Variants in PPARGC1B observed in about 807,000 individuals in gnomAD.
PPARGC1B encodes the protein peroxisome proliferator-activated receptor gamma coactivator 1-beta.
A neutral mutation model predicts 101.6 loss-of-function variants in PPARGC1B; 34 were observed. That is an observed-to-expected ratio of 0.33 (90% CI 0.25 to 0.45). PPARGC1B has a LOEUF of 0.45. Among genes scored for constraint, PPARGC1B ranks in the 20% least tolerant of loss-of-function variants. The probability of loss-of-function intolerance (pLI) is 1.00; values close to 1 mark genes in which losing one functional copy is unlikely to be tolerated. For synonymous variants in PPARGC1B, 548 were observed against 539.3 expected, an observed-to-expected ratio of 1.02 and a Z score of -0.22; for missense variants, 1,234 against 1,317.6, an observed-to-expected ratio of 0.94 and a Z score of 0.98.
intron 1 of PPARGC1B, among the ~76,000 whole-genome samples, chr5:149,803,754 G>A (rs965024955): frequency 4.6e-5 from 7 of 152,178 alleles, no homozygotes; most frequent in African/African-American, 1.7e-4. Context: ...TTGAGAAGAA[G>A]GGAGTGTGGA....
In PPARGC1B at chr5:149,826,804, G is replaced by A. The variant is rs138937758; in HGVS notation, c.384G>A (p.Ser128=). The A allele has an allele frequency of 3.1e-4, 508 of 1,613,930 alleles. No homozygotes were observed. The highest frequency in any genetic ancestry group is 6.7e-4 in the African/African-American group (50 of 75,036). ...ACGCTCTATCATGCACCTCAGCTTC[G>A]CCTGCCCCCTCATCTGCACCCCCCA... The part of the protein sequence containing the change: ...GGDALSCTSA[S]PAPSSAPPSP... Residue 128 remains serine, a synonymous_variant, in exon 3 of 12, where the codon TCG becomes TCA. Coordinates refer to ENST00000309241, the MANE Select transcript of PPARGC1B (RefSeq NM_133263.4).
intron 1 of PPARGC1B, among the ~76,000 whole-genome samples, chr5:149,752,995 C>T (rs914771149): frequency 6.6e-6 from 1 of 152,226 alleles, no homozygotes; most frequent in Non-Finnish European, 1.5e-5. Flanking sequence ...ACCATACAAA[C>T]ATCGCATATA....
intron 1 of PPARGC1B, among the ~76,000 whole-genome samples, chr5:149,742,909 G>T (rs1471195846): frequency 6.6e-6 from 1 of 152,136 alleles, no homozygotes; most frequent in Non-Finnish European, 1.5e-5. Flanking sequence ...GGGTGGTGGG[G>T]CCCATACCCT....
intron 1 of PPARGC1B, among the ~76,000 whole-genome samples, chr5:149,742,666 C>A (rs947763431): frequency 2.6e-5 from 4 of 152,134 alleles, no homozygotes; most frequent in Admixed American, 2.6e-4. Flanking sequence ...AGGTGCTTTA[C>A]CTTGTTTAAT....
chr5:149,825,253 C>A (rs1758470032), intron 2 of PPARGC1B, among the ~76,000 whole-genome samples: 1 of 152,254 alleles, frequency 6.6e-6, no homozygotes, highest in East Asian at 1.9e-4. Flanking sequence ...CTGTCCAAGT[C>A]CTGGCTTTGG....
At chr5:149,769,491 T>C (rs564321921) in intron 1 of PPARGC1B, among the ~76,000 whole-genome samples, 2 of 152,316 alleles carry the variant, frequency 1.3e-5, no homozygotes, top group East Asian at 3.9e-4. Flanking sequence ...GGGGAAGTGC[T>C]TCTCCTTTGG....
chr5:149,804,164 G>A (rs1446046741), intron 1 of PPARGC1B, among the ~76,000 whole-genome samples: 2 of 152,230 alleles, frequency 1.3e-5, no homozygotes, highest in African/African-American at 4.8e-5. Flanking sequence ...CAGCCTTCAC[G>A]ATAGTGTGAG....
chr5:149,763,381 G>A (rs1392994547), intron 1 of PPARGC1B, among the ~76,000 whole-genome samples: 1 of 152,182 alleles, frequency 6.6e-6, no homozygotes, highest in Non-Finnish European at 1.5e-5. Context: ...CATGAAGAGT[G>A]GAGTTCAGGG....
At chr5:149,804,098 C>T (rs539370201) in intron 1 of PPARGC1B, among the ~76,000 whole-genome samples, 3 of 152,328 alleles carry the variant, frequency 2.0e-5, no homozygotes, top group South Asian at 2.1e-4. Flanking sequence ...TAAATGGATG[C>T]GGAAGGAAAC....
chr5:149,853,541 C>G lies in PPARGC1B; in HGVS notation c.*5983C>G, dbSNP rs746589058. On this transcript the variant is annotated 3_prime_UTR_variant, in exon 12 of 12. Coordinates refer to ENST00000309241, the MANE Select transcript of PPARGC1B (RefSeq NM_133263.4). This position sits in a 1 kb window ranked among gnomAD's most constrained non-coding sequence, Gnocchi z 4.2. The stretch of plus-strand genomic sequence containing the variant: ...TTAAGTAAACCTTTGCTGGGTGGTC[C>G]GAATTCTGCCCTCAAGGCAAGATAA... The G allele has an allele frequency of 6.6e-6, 1 of 152,168 alleles. No homozygotes were observed. Among genetic ancestry groups the G allele is most frequent in the East Asian group, 1.9e-4 (1 of 5,198 alleles). 9.4% of individuals were successfully genotyped at this position (152,168 alleles called of 1,614,324 possible).
chr5:149,814,854 T>G (rs1211494815), intron 1 of PPARGC1B, among the ~76,000 whole-genome samples: 5 of 152,194 alleles, frequency 3.3e-5, no homozygotes, highest in Non-Finnish European at 7.3e-5. Context: ...GATGTGGTGT[T>G]GCTGGAGAAG....
chr5:149,831,405 A>G (rs1181654382), intron 4 of PPARGC1B, among the ~76,000 whole-genome samples: 1 of 151,900 alleles, frequency 6.6e-6, no homozygotes, highest in Non-Finnish European at 1.5e-5. Flanking sequence ...GCTACACACA[A>G]CCCCTCCTCT....
chr5:149,856,445 G>A (rs76295025), downstream of PPARGC1B, among the ~76,000 whole-genome samples: 369 of 152,214 alleles, frequency 2.4e-3, 16 homozygotes, highest in East Asian at 0.059. Flanking sequence ...CTGCCTTTCC[G>A]TTCACTGCAG....
At chr5:149,759,995 G>C (rs563170706) in intron 1 of PPARGC1B, among the ~76,000 whole-genome samples, 8 of 152,356 alleles carry the variant, frequency 5.3e-5, no homozygotes, top group Admixed American at 6.5e-5. Flanking sequence ...AGGAGCTCCA[G>C]CGCTCCCACA....
intron 1 of PPARGC1B, among the ~76,000 whole-genome samples, chr5:149,796,227 G>C (rs547989508): frequency 6.6e-6 from 1 of 152,142 alleles, no homozygotes; most frequent in Non-Finnish European, 1.5e-5. Context: ...GAGTAGGGGG[G>C]GCCTGTTGGA....
At chr5:149,809,169 C>A (rs1479561586) in intron 1 of PPARGC1B, among the ~76,000 whole-genome samples, 2 of 86,276 alleles carry the variant, frequency 2.3e-5, no homozygotes, top group East Asian at 3.7e-4. Flanking sequence ...ATAGATCCAT[C>A]TCTACCATAG....
chr5:149,801,653 G>T (rs1295100196), intron 1 of PPARGC1B, among the ~76,000 whole-genome samples: 1 of 152,208 alleles, frequency 6.6e-6, no homozygotes, highest in Non-Finnish European at 1.5e-5. Context: ...GTGGGGTCAG[G>T]TCTGTGTCTT....
intron 8 of PPARGC1B, among the ~76,000 whole-genome samples, chr5:149,838,986 GATAATA>G (rs1759224062): frequency 6.6e-6 from 1 of 152,186 alleles, no homozygotes. Context: ...CAAAAGGGAT[GATAATA>G]CAATAATTAG....
intron 9 of PPARGC1B, 87 bp downstream of exon 9, chr5:149,840,203 C>A: frequency 1.5e-6 from 2 of 1,304,420 alleles, no homozygotes; most frequent in Non-Finnish European, 1.1e-6. Context: ...CCTTTTGAGG[C>A]TGGCTGGTGA....
Sources: gnomAD v4.1 joint callset for allele counts (sites outside exome capture counted in the v4.1 genomes callset) on GRCh38, gnomAD v4.1.1 for gene constraint, Gnocchi (gnomAD v3.1) non-coding constraint, MANE v1.5 for transcripts, NCBI Gene and HGNC (gene_info 2026-07-23, HGNC 2026-07-21) for gene names.